ALPK1: variants seen among roughly 807,000 people sequenced by gnomAD.
ALPK1 encodes alpha-protein kinase 1.
Under a neutral mutation model 120.6 loss-of-function variants are expected in ALPK1, and 110 were observed. That is an observed-to-expected ratio of 0.91 (90% confidence interval 0.78 to 1.07). ALPK1 has a LOEUF of 1.07. Ranked by LOEUF, ALPK1 falls within the 50% of genes least tolerant of loss-of-function variation. The probability of loss-of-function intolerance (pLI) is 0.00; values close to 1 mark genes in which losing one functional copy is unlikely to be tolerated. For synonymous variants in ALPK1, 582 were observed against 560.3 expected (o/e 1.04, Z -0.55); for missense variants, 1,498 against 1,483.9 (o/e 1.01, Z -0.16).
rs1578571465 is a variant in ALPK1 at position 112,432,135 on chromosome 4, T to C, written c.2588T>C (p.Val863Ala). 1.2e-6 allele frequency: 2 copies of C among 1,614,190 alleles called. No individual in the cohort carries two copies. The highest frequency in any genetic ancestry group is 4.5e-5 in the East Asian group (2 of 44,876). The change falls in exon 11 of 16, where the codon GTT (valine) becomes GCT (alanine). Residue 863 changes from valine (V) to alanine (A), a missense_variant. Physicochemically the swap from Val to Ala is moderately conservative, Grantham distance 64. Coordinates refer to ENST00000650871, the MANE Select transcript of ALPK1 (RefSeq NM_025144.4). ...EEGQLLDSMDVPCTNGHGSHR... is the reference protein window; with the variant it reads ...EEGQLLDSMDAPCTNGHGSHR... ...GGGCAACTGCTCGACAGCATGGATG[T>C]TCCCTGCACAAATGGGCACGGCTCT... is the stretch of plus-strand genomic sequence containing the variant.
chr4:112,332,528 A>G (rs1482007666), intron 2 of ALPK1, among the ~76,000 whole-genome samples: 3 of 152,218 alleles, frequency 2.0e-5, no homozygotes, highest in Non-Finnish European at 4.4e-5. Flanking sequence ...GTTGCCATCA[A>G]TTACATGGCC....
intron 2 of ALPK1, among the ~76,000 whole-genome samples, chr4:112,344,143 T>C (rs1354545165): frequency 6.6e-6 from 1 of 152,208 alleles, no homozygotes; most frequent in Non-Finnish European, 1.5e-5. Flanking sequence ...GGAAAAAATC[T>C]AATCTTTAAA....
intron 2 of ALPK1, among the ~76,000 whole-genome samples, chr4:112,333,501 A>G (rs560203530): frequency 2.0e-5 from 3 of 152,292 alleles, no homozygotes; most frequent in Admixed American, 2.0e-4. Flanking sequence ...TCCACATTAT[A>G]CTAATTTCTA....
At chr4:112,307,649 A>C (rs1416886816) in intron 1 of ALPK1, among the ~76,000 whole-genome samples, 1 of 152,078 alleles carries the variant, frequency 6.6e-6, no homozygotes, top group African/African-American at 2.4e-5. Flanking sequence ...GTCTCTGCAC[A>C]TGAGATGGGT....
chr4:112,336,280 C>A (rs1359518252), intron 2 of ALPK1, among the ~76,000 whole-genome samples: 1 of 152,048 alleles, frequency 6.6e-6, no homozygotes, highest in Non-Finnish European at 1.5e-5. Flanking sequence ...TGAGGAAGTA[C>A]CCTGGGCAAT....
At chr4:112,356,115 C>A (rs1578494080) in intron 2 of ALPK1, 2 of 1,456,644 alleles carry the variant, frequency 1.4e-6, no homozygotes, top group East Asian at 4.5e-5. Context: ...CCCTCTGTGC[C>A]CTCCTGAGAA....
chr4:112,327,959 G>A (rs1353127867), intron 2 of ALPK1, among the ~76,000 whole-genome samples: 1 of 152,164 alleles, frequency 6.6e-6, no homozygotes, highest in African/African-American at 2.4e-5. Context: ...TCAAGAATTA[G>A]TAGTATCAAC....
At chr4:112,354,093 T>A (rs1730488724) in intron 2 of ALPK1, among the ~76,000 whole-genome samples, 6 of 152,198 alleles carry the variant, frequency 3.9e-5, no homozygotes, top group Admixed American at 3.9e-4. Context: ...TCTTTATATA[T>A]TCAGGGTAGA....
chr4:112,354,803 G>A (rs1346105882), intron 2 of ALPK1, among the ~76,000 whole-genome samples: 1 of 152,034 alleles, frequency 6.6e-6, no homozygotes, highest in African/African-American at 2.4e-5. Context: ...AATAATTTTT[G>A]CATCATTTAA....
chr4:112,418,971 A>C (rs1222584531), intron 5 of ALPK1, among the ~76,000 whole-genome samples: 1 of 152,232 alleles, frequency 6.6e-6, no homozygotes, highest in Non-Finnish European at 1.5e-5. Context: ...GAAATGAATA[A>C]ACAAAAACAG....
At chr4:112,366,621 C>G (rs1731164986) in intron 2 of ALPK1, among the ~76,000 whole-genome samples, 1 of 152,140 alleles carries the variant, frequency 6.6e-6, no homozygotes, top group Non-Finnish European at 1.5e-5. Context: ...ACTAGTACAA[C>G]TATGGAAAAT....
chr4:112,330,043 T>C (rs1729296555), intron 2 of ALPK1, among the ~76,000 whole-genome samples: 1 of 152,168 alleles, frequency 6.6e-6, no homozygotes, highest in Non-Finnish European at 1.5e-5. Context: ...TAAGCAAAAG[T>C]TAAATTGAAA....
intron 7 of ALPK1, 91 bp downstream of exon 7, chr4:112,425,842 T>A: frequency 2.0e-6 from 2 of 1,017,812 alleles, no homozygotes; most frequent in Non-Finnish European, 1.5e-6. Context: ...TTTATCAGGC[T>A]AAAATTGTTA....
intron 2 of ALPK1, among the ~76,000 whole-genome samples, chr4:112,373,035 C>CTG (rs1731486573): frequency 6.6e-6 from 1 of 152,200 alleles, no homozygotes; most frequent in Admixed American, 6.5e-5. Flanking sequence ...GAACTCCCTT[C>CTG]TTGCTTTAAT....
chr4:112,401,238 TA>T (rs1450230626), intron 4 of ALPK1, among the ~76,000 whole-genome samples: 1 of 152,196 alleles, frequency 6.6e-6, no homozygotes, highest in African/African-American at 2.4e-5. Context: ...GAATGCTTTT[TA>T]AAAGTTATGA....
At chr4:112,362,806 GA>G (rs1158921999) in intron 2 of ALPK1, among the ~76,000 whole-genome samples, 6 of 152,288 alleles carry the variant, frequency 3.9e-5, no homozygotes, top group African/African-American at 1.4e-4. Flanking sequence ...AAGCCAAGAC[GA>G]AGGAAAGAAT....
rs1732130236 is a variant in ALPK1, at chr4:112,385,861, T to C, written c.276+3309T>C. Among the ~76,000 whole-genome samples, 4 of 152,218 alleles carry C rather than the reference T, an allele frequency of 2.6e-5. No homozygotes were observed. The South Asian group carries it at 8.3e-4, about 32-fold the overall frequency. ...TGAGTTTGTCTTTTCATGTTTTCTC[T>C]CTTTTTATAGTTTATTCATAAATAT... On this transcript the variant is annotated intron_variant, in intron 4 of 15. Transcript: ENST00000650871.
chr4:112,440,930 T>C lies in ALPK1; in HGVS notation c.3552T>C (p.Gly1184=). ...VVVDLQGWVT[G]NGKGLIYLTD... is the part of the protein sequence containing the mutation. ...TTTCTCTTTTAGGTTGGGTAACCGG[T>C]AATGGAAAAGGACTCATCTACCTCA... The change falls in exon 15 of 16, where the codon GGT becomes GGC. Residue 1184 remains glycine, a synonymous_variant. Transcript: ENST00000650871. The C allele has an allele frequency of 6.2e-7, 1 of 1,611,608 alleles. No homozygotes were observed.
intron 13 of ALPK1, 81 bp downstream of exon 13, chr4:112,438,727 A>T (rs231248): frequency 0.32 from 470,509 of 1,479,648 alleles, 76,814 homozygotes; most frequent in East Asian, 0.43. Context: ...GGTTCCACAT[A>T]ATCAGGCTAG....
Sources: allele counts gnomAD v4.1 joint callset (sites outside exome capture counted in the v4.1 genomes callset), GRCh38; gene constraint gnomAD v4.1.1; transcripts MANE v1.5; gene names NCBI Gene and HGNC (gene_info 2026-07-23, HGNC 2026-07-21).